The following DDX60 variants were observed in gnomAD, a reference collection of about 807,000 sequenced individuals.
DDX60 encodes the protein DExD/H-box helicase 60.
A neutral mutation model predicts 212.8 loss-of-function variants in DDX60; 165 were observed. The observed-to-expected ratio is 0.78, with a 90% confidence interval of 0.68 to 0.88. The LOEUF is 0.88. DDX60 is among the 40% of genes least tolerant of loss of function. The pLI is 0.00. For synonymous variants in DDX60, 703 were observed against 685.3 expected, an observed-to-expected ratio of 1.03 and a Z score of -0.40; for missense variants, 1,905 against 2,003.9, an observed-to-expected ratio of 0.95 and a Z score of 0.94.
chr4:168,287,799 T>C (rs1052453325), intron 9 of DDX60, among the ~76,000 whole-genome samples: 1 of 152,130 alleles, frequency 6.6e-6, no homozygotes, highest in African/African-American at 2.4e-5. Context: ...TAAATTAGCC[T>C]TATCTTTTGG....
chr4:168,286,981 G>A, intron 10 of DDX60, 67 bp downstream of exon 10: 6 of 1,225,588 alleles, frequency 4.9e-6, no homozygotes, highest in Non-Finnish European at 6.8e-6. Flanking sequence ...CACTGAATTA[G>A]TGGTGTTTCC....
intron 6 of DDX60, among the ~76,000 whole-genome samples, chr4:168,300,369 GTC>G (rs1392938798): frequency 6.6e-6 from 1 of 152,000 alleles, no homozygotes; most frequent in Non-Finnish European, 1.5e-5. Context: ...GTGAAACCCT[GTC>G]TCTACTAAAA....
intron 1 of DDX60, among the ~76,000 whole-genome samples, chr4:168,312,688 T>C (rs1047730245): frequency 1.4e-5 from 2 of 143,774 alleles, no homozygotes; most frequent in African/African-American, 2.6e-5. Flanking sequence ...AGATAGTAGA[T>C]AGATTGATTG....
At chr4:168,243,037 GCT>G (rs894026320) in intron 30 of DDX60, among the ~76,000 whole-genome samples, 2 of 152,002 alleles carry the variant, frequency 1.3e-5, no homozygotes, top group African/African-American at 4.8e-5. Context: ...CCTTGCACAA[GCT>G]CTCTCTCTCT....
intron 5 of DDX60, among the ~76,000 whole-genome samples, chr4:168,304,572 G>A (rs769187157): frequency 4.6e-5 from 7 of 151,984 alleles, no homozygotes; most frequent in African/African-American, 1.2e-4. Context: ...ATGGTGGTGC[G>A]CACCTGTAAT....
Position 168,255,756 on chromosome 4 carries a change from T to C in DDX60, c.3512A>G (p.Asn1171Ser). Reference sequence around the variant, plus strand: ...GGATTTTTTAACTTTTCGAAGTTTGTTAGCCATGACATGGGCTTCTTTATC... The same window carrying C: ...GGATTTTTTAACTTTTCGAAGTTTGCTAGCCATGACATGGGCTTCTTTATC... ...KADKEAHVMA[N>S]KLRKVKKSIE... The change falls in exon 26 of 38, where the codon AAC becomes AGC. Residue 1171 changes from asparagine to serine, a missense_variant. By Grantham distance (46) the Asn-to-Ser change is conservative. Transcript: ENST00000393743. 6.3e-7 allele frequency: 1 copy of C among 1,595,654 alleles called. No homozygotes were observed. The highest frequency in any genetic ancestry group is 1.2e-5 in the South Asian group (1 of 86,406).
At chr4:168,219,295 A>G (rs927390892) in intron 37 of DDX60, among the ~76,000 whole-genome samples, 17 of 146,946 alleles carry the variant, frequency 1.2e-4, no homozygotes, top group African/African-American at 4.2e-4. Flanking sequence ...TCCGTCTCCA[A>G]AAAAAAAAAA....
chr4:168,260,082 G>A (rs114732719), intron 25 of DDX60, among the ~76,000 whole-genome samples: 2,582 of 151,944 alleles, frequency 0.017, 58 homozygotes, highest in African/African-American at 0.057. Flanking sequence ...AATTGAACTA[G>A]AAAGTTGTAT....
chr4:168,302,275 A>T, intron 6 of DDX60, 25 bp downstream of exon 6: 1 of 1,297,396 alleles, frequency 7.7e-7, no homozygotes, highest in Non-Finnish European at 1.1e-6. Flanking sequence ...GTTCAAATAC[A>T]AAGCTTTTTA....
Position 168,224,351 on chromosome 4 carries a change from G to A in DDX60, c.4716C>T (p.Leu1572=), listed in dbSNP as rs375521196. ...FTGKECEDSQ[L]VSHLMSCKEG... ...CCTTGCAGCTCATCAAATGAGATAC[G>A]AGTTGAGAGTCTTCACATTCTTTAC... The change falls in exon 35 of 38, where the codon CTC becomes CTT. Residue 1572 remains leucine (L), a synonymous_variant. Coordinates refer to ENST00000393743, the MANE Select transcript of DDX60 (RefSeq NM_017631.6). 1.1e-4 allele frequency: 177 copies of A among 1,611,614 alleles called. No individual in the cohort carries two copies. The highest frequency in any genetic ancestry group is 2.0e-4 in the Admixed American group (12 of 59,804).
At chr4:168,314,461 G>T (rs1475118374) in intron 1 of DDX60, among the ~76,000 whole-genome samples, 2 of 152,056 alleles carry the variant, frequency 1.3e-5, no homozygotes, top group East Asian at 1.9e-4. Context: ...TGCTTTCAAA[G>T]AATTAAAAAT....
chr4:168,275,386 G>A lies in DDX60; in HGVS notation c.2263C>T (p.Pro755Ser). Residue 755 changes from proline (P) to serine (S), a missense_variant, in exon 16 of 38, where the codon CCA becomes TCA. Physicochemically the swap from Pro to Ser is moderately conservative, Grantham distance 74. Transcript: ENST00000393743. ...ATAAAATCCTGGACCCTGGGATCTGGGTCTTTTCTCTCATCTCGTATCAAA... is the reference window on the plus strand; with the variant it reads ...ATAAAATCCTGGACCCTGGGATCTGAGTCTTTTCTCTCATCTCGTATCAAA... ...HYLIRDERKD[P>S]DPRVQDFIPD... The A allele has an allele frequency of 6.2e-7, 1 of 1,611,952 alleles. No homozygotes were observed. Among genetic ancestry groups the A allele is most frequent in the Non-Finnish European group, 8.5e-7 (1 of 1,179,020 alleles).
At chr4:168,305,376 TCAAA>T (rs1736831208) in intron 5 of DDX60, among the ~76,000 whole-genome samples, 2 of 152,200 alleles carry the variant, frequency 1.3e-5, no homozygotes, top group South Asian at 2.1e-4. Context: ...GACATAATTC[TCAAA>T]CAGTGACAAA....
At position 168,255,779 on chromosome 4, in the gene DDX60, A is replaced by G; in HGVS notation, c.3489T>C (p.Asp1163=). Residue 1163 remains aspartate (D), a synonymous_variant, in exon 26 of 38, where the codon GAT becomes GAC. Transcript: ENST00000393743. ...TGTTAGCCATGACATGGGCTTCTTT[A>G]TCAGCTTTGGGAGGCCTTTTTGTCT... The part of the protein sequence containing the change: ...KQETKRPPKA[D]KEAHVMANKL... 1 of 1,606,972 alleles carries G rather than the reference A, an allele frequency of 6.2e-7. No individual in the cohort carries two copies. Among genetic ancestry groups the G allele is most frequent in the Non-Finnish European group, 8.5e-7 (1 of 1,178,316 alleles).
At chr4:168,300,409 G>A (rs544012140) in intron 6 of DDX60, among the ~76,000 whole-genome samples, 9 of 151,870 alleles carry the variant, frequency 5.9e-5, no homozygotes, top group African/African-American at 2.2e-4. Context: ...GCATGGTGGC[G>A]GGCACCTGTA....
At chr4:168,325,606 A>T in the DDX60 span, among the ~76,000 whole-genome samples, 1 of 151,880 alleles carries the variant, frequency 6.6e-6, no homozygotes, top group African/African-American at 2.4e-5. Flanking sequence ...ATAAAATTAA[A>T]ATGAGTACAC....
rs375585402 is a variant in DDX60 at position 168,268,009 on chromosome 4, T to G, written c.2787-26A>C. 1.7e-4 allele frequency: 273 copies of G among 1,590,294 alleles called. No individual in the cohort carries two copies. In the Middle Eastern group the frequency reaches 9.5e-3, roughly 56 times the overall value. On this transcript the variant is annotated intron_variant, in intron 20 of 37. Coordinates refer to ENST00000393743, the MANE Select transcript of DDX60 (RefSeq NM_017631.6). ...CTTAAAAAATAAATGTACATATTAT[T>G]TAGGCAGAACATGGAACTACTTCCT...
At chr4:168,223,153 G>A (rs1203560301) in intron 35 of DDX60, among the ~76,000 whole-genome samples, 2 of 151,952 alleles carry the variant, frequency 1.3e-5, no homozygotes, top group African/African-American at 2.4e-5. Context: ...GGGGGAAAAC[G>A]GGAGACAAGA....
Position 168,216,783 on chromosome 4 carries a change from T to C in DDX60, c.*150A>G, listed in dbSNP as rs1732861192. On this transcript the variant is annotated 3_prime_UTR_variant, in exon 38 of 38. Coordinates refer to ENST00000393743, the MANE Select transcript of DDX60 (RefSeq NM_017631.6). ...CATGGCAGGTTTGATTGCAACTCTG[T>C]TTGATTCCAAAGTGTTTGCTCTTTC... is the stretch of plus-strand genomic sequence containing the variant. The C allele has an allele frequency of 1.9e-6, 1 of 532,844 alleles. No homozygotes were observed. Among genetic ancestry groups the C allele is most frequent in the Non-Finnish European group, 3.2e-6 (1 of 309,224 alleles). 33.0% of individuals were successfully genotyped at this position (532,844 alleles called of 1,614,324 possible).
Sources: gnomAD v4.1 joint callset for allele counts (sites outside exome capture counted in the v4.1 genomes callset) on GRCh38, gnomAD v4.1.1 for gene constraint, MANE v1.5 for transcripts, NCBI Gene and HGNC (gene_info 2026-07-23, HGNC 2026-07-21) for gene names.